SFTPD: variants seen among roughly 807,000 people sequenced by gnomAD.
The protein encoded by SFTPD is surfactant protein D.
SFTPD carries 18 observed loss-of-function variants against 34.6 expected under a neutral mutation model. That is an observed-to-expected ratio of 0.52 (90% confidence interval 0.36 to 0.77). SFTPD has a LOEUF of 0.77. Ranked by LOEUF, SFTPD falls within the 30% of genes least tolerant of loss-of-function variation. The pLI, the probability that SFTPD is intolerant of heterozygous loss-of-function variation, is 0.00. For synonymous variants in SFTPD, 155 were observed against 180.9 expected (o/e 0.86, Z 1.15); for missense variants, 433 against 468.9 (o/e 0.92, Z 0.71).
At chr10:79,963,168 C>A (rs1478935616) in intron 1 of SFTPD, among the ~76,000 whole-genome samples, 2 of 152,006 alleles carry the variant, frequency 1.3e-5, no homozygotes, top group African/African-American at 4.8e-5. Context: ...CATAGAGAGA[C>A]CTTGTCTCTG....
rs1433297684 is a variant in SFTPD, at chr10:79,946,582, G to A, written c.78C>T (p.Tyr26=). ...LGYLEAEMKT[Y]SHRTMPSACT... ...AAGCACTGGGCATTGTTCTGTGGGA[G>A]TAGGTCTTCATTTCTGCTTCCAGGT... is the stretch of plus-strand genomic sequence containing the variant. The change falls in exon 2 of 8, where the codon TAC becomes TAT. Residue 26 remains tyrosine, a synonymous_variant. Coordinates refer to ENST00000372292, the MANE Select transcript of SFTPD (RefSeq NM_003019.5). The A allele has an allele frequency of 3.7e-6, 6 of 1,614,084 alleles. No homozygotes were observed. The highest frequency in any genetic ancestry group is 5.1e-6 in the Non-Finnish European group (6 of 1,179,996).
At chr10:79,964,503 C>T (rs1320492027) in intron 1 of SFTPD, among the ~76,000 whole-genome samples, 1 of 152,180 alleles carries the variant, frequency 6.6e-6, no homozygotes, top group Non-Finnish European at 1.5e-5. Context: ...ACCTATCAGT[C>T]TTCCCACACA....
chr10:79,951,763 TG>T (rs1288851425), upstream of SFTPD, among the ~76,000 whole-genome samples: 1 of 152,214 alleles, frequency 6.6e-6, no homozygotes, highest in Non-Finnish European at 1.5e-5. Flanking sequence ...GGCAGTTGGC[TG>T]GTCTGTGGAT....
At chr10:79,980,940 A>C (rs527345172) in intron 1 of SFTPD, among the ~76,000 whole-genome samples, 1 of 152,330 alleles carries the variant, frequency 6.6e-6, no homozygotes, top group Admixed American at 6.5e-5. Context: ...ATCCACAAGC[A>C]TCAAGACCAC....
intron 1 of SFTPD, among the ~76,000 whole-genome samples, chr10:79,955,236 A>T (rs1012213357): frequency 2.6e-5 from 4 of 152,046 alleles, no homozygotes; most frequent in African/African-American, 9.7e-5. Context: ...CAAATGTTTT[A>T]TAAAGGCATT....
chr10:79,980,283 A>G (rs1281427777), intron 1 of SFTPD, among the ~76,000 whole-genome samples: 2 of 152,136 alleles, frequency 1.3e-5, no homozygotes, highest in Non-Finnish European at 2.9e-5. Flanking sequence ...CTTGGGTACC[A>G]GCTCAGTCTC....
At chr10:79,950,020 T>C (rs10887215), upstream of SFTPD, 22,285 of 151,988 alleles carry the variant, frequency 0.15, 2,074 homozygotes, top group East Asian at 0.41. Context: ...CTTTTTAATT[T>C]TTTACAGAGA....
Position 79,942,443 on chromosome 10 carries a change from C to T in SFTPD, c.378G>A (p.Gln126=), listed in dbSNP as rs1842623232. The T allele has an allele frequency of 6.2e-7, 1 of 1,613,688 alleles. No homozygotes were observed. The highest frequency in any genetic ancestry group is 8.5e-7 in the Non-Finnish European group (1 of 1,179,656). The change falls in exon 4 of 8, where the codon CAG becomes CAA. Residue 126 remains glutamine, a synonymous_variant. Transcript: ENST00000372292. The part of the protein sequence containing the change: ...PAGREGPLGK[Q]GNIGPQGKPG... The stretch of plus-strand genomic sequence containing the variant: ...GCTTGCCCTGAGGTCCTATGTTCCC[C>T]TGCTTCCCCAGGGGACCTTCTCTTC...
intron 1 of SFTPD, among the ~76,000 whole-genome samples, chr10:79,981,134 G>C (rs1198393378): frequency 6.6e-6 from 1 of 152,128 alleles, no homozygotes; most frequent in Non-Finnish European, 1.5e-5. Flanking sequence ...AAAGATTGAA[G>C]TAATTTAAAA....
intron 1 of SFTPD, among the ~76,000 whole-genome samples, chr10:79,960,618 A>G (rs1842766594): frequency 6.6e-6 from 1 of 150,882 alleles, no homozygotes; most frequent in Non-Finnish European, 1.5e-5. Flanking sequence ...AAGGAGAACT[A>G]CAAACAACTG....
intron 1 of SFTPD, among the ~76,000 whole-genome samples, chr10:79,981,244 TAGTC>T (rs769604332): frequency 5.3e-5 from 8 of 151,962 alleles, no homozygotes; most frequent in Non-Finnish European, 7.4e-5. Context: ...AAGAAAGAAT[TAGTC>T]AGCTTGAAGA....
At chr10:79,967,298 A>G (rs1184802684) in intron 1 of SFTPD, among the ~76,000 whole-genome samples, 2 of 124,136 alleles carry the variant, frequency 1.6e-5, no homozygotes, top group Non-Finnish European at 3.2e-5. Context: ...CAATGAAATA[A>G]AAGAGGACAC....
chr10:79,957,006 T>C (rs1226369202), intron 1 of SFTPD, among the ~76,000 whole-genome samples: 2 of 150,922 alleles, frequency 1.3e-5, no homozygotes, highest in Non-Finnish European at 2.9e-5. Flanking sequence ...GATCCGCTGT[T>C]CTACAGCCAC....
At chr10:79,959,000 C>G (rs1485968730) in intron 1 of SFTPD, among the ~76,000 whole-genome samples, 1 of 152,208 alleles carries the variant, frequency 6.6e-6, no homozygotes, top group Non-Finnish European at 1.5e-5. Flanking sequence ...TCACTCAAAA[C>G]TGCTCAACTA....
intron 2 of SFTPD, 125 bp downstream of exon 2, chr10:79,946,336 T>C: frequency 1.3e-6 from 1 of 742,838 alleles, no homozygotes; most frequent in South Asian, 1.7e-5. Context: ...AGTGTGGAAC[T>C]CGCCTTCTTG....
At position 79,947,881 on chromosome 10, in the gene SFTPD, A is replaced by G. The variant is rs569968524; in HGVS notation, c.-4+1185T>C. Among the ~76,000 whole-genome samples, 15 of 152,284 alleles carry G rather than the reference A, an allele frequency of 9.9e-5. No individual in the cohort carries two copies. The South Asian group carries it at 3.1e-3, about 32-fold the overall frequency. ...AACTGTTTTGGGTATCTTTTCTCTCAATGAGAAACCGTAAAGTTATGAGAG... is the reference window on the plus strand; with the variant it reads ...AACTGTTTTGGGTATCTTTTCTCTCGATGAGAAACCGTAAAGTTATGAGAG... On this transcript the variant is annotated intron_variant, in intron 1 of 7. Transcript: ENST00000372292.
intron 1 of SFTPD, among the ~76,000 whole-genome samples, chr10:79,962,242 A>G (rs1589340802): frequency 6.6e-6 from 1 of 151,418 alleles, no homozygotes; most frequent in South Asian, 2.1e-4. Flanking sequence ...ACATGTATAC[A>G]TATGTAACAA....
chr10:79,964,041 G>A (rs1056843272), intron 1 of SFTPD, among the ~76,000 whole-genome samples: 1 of 152,098 alleles, frequency 6.6e-6, no homozygotes, highest in East Asian at 1.9e-4. Context: ...AGCAAAGGCA[G>A]GCTATGCTAT....
intron 2 of SFTPD, among the ~76,000 whole-genome samples, chr10:79,943,619 G>A (rs1383353488): frequency 6.6e-6 from 1 of 152,200 alleles, no homozygotes; most frequent in Non-Finnish European, 1.5e-5. Flanking sequence ...GCCTCCATGG[G>A]GGGTGAGCAT....
Sources: allele counts gnomAD v4.1 joint callset (sites outside exome capture counted in the v4.1 genomes callset), GRCh38; gene constraint gnomAD v4.1.1; transcripts MANE v1.5; gene names NCBI Gene and HGNC (gene_info 2026-07-23, HGNC 2026-07-21).